Variants in PCDHA10 observed in about 807,000 individuals in gnomAD.
The protein encoded by PCDHA10 is protocadherin alpha-10.
In PCDHA10, 45 loss-of-function variants were observed where a neutral mutation model predicts 61.2. That is an observed-to-expected ratio of 0.74 (90% confidence interval 0.58 to 0.94). The LOEUF (loss-of-function observed/expected upper bound fraction) is 0.94. Among genes scored for constraint, PCDHA10 ranks in the 40% least tolerant of loss-of-function variants. The pLI, the probability that PCDHA10 is intolerant of heterozygous loss-of-function variation, is 0.00. For missense variants in PCDHA10, 1,278 were observed against 1,236.2 expected, an observed-to-expected ratio of 1.03 and a Z score of -0.51; for synonymous variants, 602 against 548.8, an observed-to-expected ratio of 1.10 and a Z score of -1.35.
rs371368253 is a variant in PCDHA10, at chr5:140,871,153, G to C, written c.2388+12717G>C. 77 of 1,613,298 alleles carry C rather than the reference G, an allele frequency of 4.8e-5. No homozygotes were observed. The African/African-American group carries it at 9.2e-4, about 19-fold the overall frequency. On this transcript the variant is annotated intron_variant, in intron 1 of 3. Transcript: ENST00000307360. ...AAAGGCCTCTTCCCGGACTTTGGCG[G>C]GCGCCGCGAGCCCAGAGGCTGCGCT...
chr5:140,870,198 C>G, intron 1 of PCDHA10: 1 of 1,614,172 alleles, frequency 6.2e-7, no homozygotes, highest in Non-Finnish European at 8.5e-7. Context: ...CTCAGCCCAG[C>G]ACGGTCATTG....
Position 140,968,830 on chromosome 5 carries a change from C to T in PCDHA10, c.2389-10119C>T, listed in dbSNP as rs782771762. On this transcript the variant is annotated intron_variant, in intron 1 of 3. Coordinates refer to ENST00000307360, the MANE Select transcript of PCDHA10 (RefSeq NM_018901.4). The stretch of plus-strand genomic sequence containing the variant: ...TGGTGGATAGGGTTTCCAAAATCCT[C>T]CCTGACACTCAGAGGCATGTTAAGA... 48 of 1,614,080 alleles carry T rather than the reference C, an allele frequency of 3.0e-5. No homozygotes were observed. The Admixed American group carries it at 8.0e-4, about 27-fold the overall frequency.
At chr5:140,961,446 T>G (rs1318543773) in intron 1 of PCDHA10, among the ~76,000 whole-genome samples, 1 of 152,238 alleles carries the variant, frequency 6.6e-6, no homozygotes. Flanking sequence ...CTAACTACAC[T>G]GTCTTGCAGC....
chr5:140,959,031 G>A (rs1554223798), intron 1 of PCDHA10, among the ~76,000 whole-genome samples: 1 of 151,806 alleles, frequency 6.6e-6, no homozygotes, highest in Non-Finnish European at 1.5e-5. Flanking sequence ...CTTTATCATG[G>A]GTATGTATGT....
chr5:140,968,135 G>C (rs2096222877), intron 1 of PCDHA10: 2 of 1,614,034 alleles, frequency 1.2e-6, no homozygotes, highest in Non-Finnish European at 1.7e-6. Flanking sequence ...TACACTGAAG[G>C]TTGAGATCTC....
intron 2 of PCDHA10, 91 bp from the exon 3 acceptor site, chr5:140,982,384 C>T (rs1245752901): frequency 6.3e-7 from 1 of 1,584,990 alleles, no homozygotes; most frequent in African/African-American, 1.3e-5. Context: ...GCAGCCCTGG[C>T]TTCATAGTTG....
At chr5:141,004,117 G>A (rs2098153806) in intron 3 of PCDHA10, among the ~76,000 whole-genome samples, 1 of 152,236 alleles carries the variant, frequency 6.6e-6, no homozygotes. Flanking sequence ...TCAAAAGGGA[G>A]TATCTCCATG....
chr5:140,993,012 C>G (rs1307637137), intron 3 of PCDHA10, among the ~76,000 whole-genome samples: 2 of 152,198 alleles, frequency 1.3e-5, no homozygotes, highest in Admixed American at 1.3e-4. Context: ...CCCCAGAGTC[C>G]AGCATCCCCT....
chr5:140,871,292 CGT>C (rs781959716), intron 1 of PCDHA10: 2 of 1,613,890 alleles, frequency 1.2e-6, no homozygotes, highest in Non-Finnish European at 1.7e-6. Flanking sequence ...ACTGAGGGCG[CGT>C]GCGCGCCGGG....
chr5:140,884,535 C>T (rs142468733), intron 1 of PCDHA10: 2 of 1,613,918 alleles, frequency 1.2e-6, no homozygotes, highest in African/African-American at 1.3e-5. Flanking sequence ...CAGAGGCGGC[C>T]GAGGGTGTGC....
chr5:140,975,752 A>G (rs577986836), intron 1 of PCDHA10, among the ~76,000 whole-genome samples: 2 of 152,320 alleles, frequency 1.3e-5, no homozygotes, highest in East Asian at 1.9e-4. Flanking sequence ...CAAATATTCT[A>G]TGTCATAAAT....
intron 1 of PCDHA10, chr5:140,927,106 A>C (rs782151576): frequency 6.2e-7 from 1 of 1,613,678 alleles, no homozygotes; most frequent in Non-Finnish European, 8.5e-7. Context: ...GGATCTACCC[A>C]GCGGCAATTT....
chr5:141,012,057 A>G lies in PCDHA10; in HGVS notation c.*2120A>G, dbSNP rs2098422809. 6.5e-6 allele frequency: 1 copy of G among 153,774 alleles called. No individual in the cohort carries two copies. Among genetic ancestry groups the G allele is most frequent in the African/African-American group, 2.4e-5 (1 of 41,454 alleles). The allele number at this position is 153,774 out of a possible 1,614,324, so 9.5% of individuals were successfully genotyped here. A position where few individuals can be genotyped will look rare whatever the true frequency, so the allele number is the denominator to read the frequency against. Reference sequence around the variant, plus strand: ...ATTGCATGGGGTAAAACTTGTTACCAACACATGTGAACCATTGCTACATTG... The same window carrying G: ...ATTGCATGGGGTAAAACTTGTTACCGACACATGTGAACCATTGCTACATTG... On this transcript the variant is annotated 3_prime_UTR_variant, in exon 4 of 4. Transcript: ENST00000307360.
At position 140,870,930 on chromosome 5, in the gene PCDHA10, A is replaced by G. The variant is rs373236202; in HGVS notation, c.2388+12494A>G. ...GCTACAACGCGTGGCTTTCATATGA[A>G]TTGCAGCCGGCGGCGGGCGGCTCGC... On this transcript the variant is annotated intron_variant, in intron 1 of 3. Coordinates refer to ENST00000307360, the MANE Select transcript of PCDHA10 (RefSeq NM_018901.4). 1.9e-6 allele frequency: 3 copies of G among 1,613,850 alleles called. No homozygotes were observed. The East Asian group carries it at 6.7e-5, about 36-fold the overall frequency.
At chr5:140,999,656 G>A (rs1483832540) in intron 3 of PCDHA10, among the ~76,000 whole-genome samples, 2 of 152,148 alleles carry the variant, frequency 1.3e-5, no homozygotes, top group African/African-American at 4.8e-5. Context: ...CCTGAGCCCT[G>A]CTGGGTTGCG....
At chr5:140,947,252 T>A (rs1554218120) in intron 1 of PCDHA10, among the ~76,000 whole-genome samples, 1 of 151,596 alleles carries the variant, frequency 6.6e-6, no homozygotes, top group Non-Finnish European at 1.5e-5. Flanking sequence ...GATAATCCAA[T>A]GTACCATTTG....
intron 1 of PCDHA10, chr5:140,883,985 G>A (rs782534317): frequency 1.2e-6 from 2 of 1,612,814 alleles, no homozygotes; most frequent in Admixed American, 1.7e-5. Context: ...GGCTGGCAGC[G>A]CGGGAGGCAC....
intron 3 of PCDHA10, among the ~76,000 whole-genome samples, chr5:140,989,753 A>G (rs1349273749): frequency 6.6e-6 from 1 of 152,224 alleles, no homozygotes; most frequent in Admixed American, 6.5e-5. Context: ...ATCTGGAGAA[A>G]CATATTCAGT....
At chr5:140,997,978 C>A (rs1205743045) in intron 3 of PCDHA10, among the ~76,000 whole-genome samples, 2 of 152,182 alleles carry the variant, frequency 1.3e-5, no homozygotes, top group Admixed American at 1.3e-4. Context: ...TTGGACTGCA[C>A]TTGTTACATA....
Sources: allele counts gnomAD v4.1 joint callset (sites outside exome capture counted in the v4.1 genomes callset), GRCh38; gene constraint gnomAD v4.1.1; transcripts MANE v1.5; gene names NCBI Gene and HGNC (gene_info 2026-07-23, HGNC 2026-07-21).